The following TOLLIP variants were observed in gnomAD, a reference collection of about 807,000 sequenced individuals.
TOLLIP encodes the protein toll-interacting protein.
In TOLLIP, 16 loss-of-function variants were observed where a neutral mutation model predicts 33.5. The ratio of observed to expected loss-of-function variants is 0.48; its 90% CI spans 0.32 to 0.72. TOLLIP has a LOEUF of 0.72. Ranked by LOEUF, TOLLIP falls within the 30% of genes least tolerant of loss-of-function variation. TOLLIP has a pLI of 0.03. For missense variants in TOLLIP, 325 were observed against 396.6 expected (o/e 0.82, Z 1.53); for synonymous variants, 176 against 163.7 (o/e 1.07, Z -0.57).
Position 1,290,096 on chromosome 11 carries a change from C to G in TOLLIP, c.366+131G>C. On this transcript the variant is annotated intron_variant, in intron 3 of 5. Transcript: ENST00000317204. This position sits in a 1 kb window ranked among gnomAD's most constrained non-coding sequence, Gnocchi z 4.9. ...GGGAGAGCAGGACCCTGTCATGCAC[C>G]CAATGAAACACCAGGTGGGGAGCCA... 1.2e-6 allele frequency: 1 copy of G among 818,576 alleles called. No homozygotes were observed. Among genetic ancestry groups the G allele is most frequent in the Non-Finnish European group, 2.0e-6 (1 of 511,456 alleles). The allele number at this position is 818,576 out of a possible 1,614,324, so 50.7% of individuals were successfully genotyped here.
At position 1,274,473 on chromosome 11, in the gene TOLLIP, C is replaced by G. The variant is rs1863217529; in HGVS notation, c.*2566G>C. 6.6e-6 allele frequency: 1 copy of G among 152,130 alleles called. No homozygotes were observed. Among genetic ancestry groups the G allele is most frequent in the African/African-American group, 2.4e-5 (1 of 41,422 alleles). 9.4% of individuals were successfully genotyped at this position (152,130 alleles called of 1,614,324 possible). ...ATATATTTTACAATCAAAGAAAAAT[C>G]TGGACAATGGACCCCAGTAAAATAA... On this transcript the variant is annotated 3_prime_UTR_variant, in exon 6 of 6. Coordinates refer to ENST00000317204, the MANE Select transcript of TOLLIP (RefSeq NM_019009.4).
At chr11:1,297,986 G>A (rs1486279655) in intron 1 of TOLLIP, among the ~76,000 whole-genome samples, 4 of 152,208 alleles carry the variant, frequency 2.6e-5, no homozygotes, top group Admixed American at 2.0e-4. Context: ...CTCTCTCCCC[G>A]GGGGACACCT....
chr11:1,308,869 C>A (rs796978247), intron 1 of TOLLIP, among the ~76,000 whole-genome samples: 3 of 8,262 alleles, frequency 3.6e-4, no homozygotes, highest in Non-Finnish European at 1.1e-3. Flanking sequence ...GGGTGCGGGA[C>A]CCGCCTCCAC....
At chr11:1,305,450 A>G (rs565643461) in intron 1 of TOLLIP, among the ~76,000 whole-genome samples, 104 of 152,322 alleles carry the variant, frequency 6.8e-4, no homozygotes, top group Admixed American at 2.2e-3. Flanking sequence ...ATCTACAAAG[A>G]AAAGCAACTC....
At position 1,275,741 on chromosome 11, in the gene TOLLIP, T is replaced by A. The variant is rs1393187881; in HGVS notation, c.*1298A>T. 6.6e-6 allele frequency: 1 copy of A among 152,170 alleles called. No individual in the cohort carries two copies. The highest frequency in any genetic ancestry group is 1.9e-4 in the East Asian group (1 of 5,190). 9.4% of individuals were successfully genotyped at this position (152,170 alleles called of 1,614,324 possible). A position where few individuals can be genotyped will look rare whatever the true frequency, so the allele number is the denominator to read the frequency against. On this transcript the variant is annotated 3_prime_UTR_variant, in exon 6 of 6. Coordinates refer to ENST00000317204, the MANE Select transcript of TOLLIP (RefSeq NM_019009.4). ...CTAGCTGGCACTGAAACTTAACCTA[T>A]TTTTTTGAGGGAGAAAAAGACTAAA...
At chr11:1,282,114 G>A (rs753786267) in intron 5 of TOLLIP, among the ~76,000 whole-genome samples, 6 of 152,198 alleles carry the variant, frequency 3.9e-5, no homozygotes, top group Non-Finnish European at 7.4e-5. Flanking sequence ...TTCTCCTAAT[G>A]GGAACCAGGG....
chr11:1,290,383 C>T lies in TOLLIP; in HGVS notation c.210G>A (p.Met70Ile), dbSNP rs763493280. 2 of 1,612,274 alleles carry T rather than the reference C, an allele frequency of 1.2e-6. No homozygotes were observed. The highest frequency in any genetic ancestry group is 3.3e-5 in the Admixed American group (2 of 59,998). Reference protein sequence around the residue: ...VQAKLAKNYGMTRMDPYCRLR... With the variant: ...VQAKLAKNYGITRMDPYCRLR... Reference sequence around the variant, plus strand: ...GTCGGCAGTAGGGGTCCATGCGGGTCATGCCGTAATTCTTGGCCAACTTTG... The same window carrying T: ...GTCGGCAGTAGGGGTCCATGCGGGTTATGCCGTAATTCTTGGCCAACTTTG... The change falls in exon 3 of 6, where the codon ATG (methionine) becomes ATA (isoleucine). Residue 70 changes from methionine (M) to isoleucine (I), a missense_variant. Transcript: ENST00000317204. This position sits in a 1 kb window ranked among gnomAD's most constrained non-coding sequence, Gnocchi z 4.9.
chr11:1,288,555 G>A, intron 4 of TOLLIP, 69 bp downstream of exon 4: 1 of 1,511,770 alleles, frequency 6.6e-7, no homozygotes, highest in Non-Finnish European at 8.9e-7. Flanking sequence ...GGTGTCTGTG[G>A]GGCGGCATAG....
At chr11:1,292,583 C>G (rs1395234194) in intron 2 of TOLLIP, among the ~76,000 whole-genome samples, 1 of 152,244 alleles carries the variant, frequency 6.6e-6, no homozygotes, top group Admixed American at 6.5e-5. Context: ...AAGTGACCTC[C>G]TCGATGTTTA....
chr11:1,307,197 A>C (rs1395209894), intron 1 of TOLLIP, among the ~76,000 whole-genome samples: 2 of 151,602 alleles, frequency 1.3e-5, no homozygotes, highest in South Asian at 2.1e-4. Flanking sequence ...GTCGCTGACA[A>C]CACCTTCTTA....
intron 4 of TOLLIP, among the ~76,000 whole-genome samples, chr11:1,287,236 T>C (rs1051130049): frequency 2.0e-5 from 3 of 152,238 alleles, no homozygotes; most frequent in African/African-American, 4.8e-5. Context: ...TGGAGCGTCA[T>C]GATGGTTCTG....
rs5744005 is a variant in TOLLIP, at chr11:1,279,463, G to A, written c.611-2210C>T. On this transcript the variant is annotated intron_variant, in intron 5 of 5. Coordinates refer to ENST00000317204, the MANE Select transcript of TOLLIP (RefSeq NM_019009.4). ...CTGGGGACTTCAGGAGGACAGACCA[G>A]GAGCTCTGGGGCCTGGCGGAGAGCA... 7.5e-3 allele frequency among the ~76,000 whole-genome samples: 1,146 copies of A among 152,372 alleles called. 4 individuals are homozygous for A. The highest frequency in any genetic ancestry group is 0.013 in the Non-Finnish European group (899 of 68,028).
rs5744026 is a variant in TOLLIP, at chr11:1,276,089, G to C, written c.*950C>G. 1 of 152,272 alleles carries C rather than the reference G, an allele frequency of 6.6e-6. No individual in the cohort carries two copies. Among genetic ancestry groups the C allele is most frequent in the Non-Finnish European group, 1.5e-5 (1 of 68,084 alleles). The allele number at this position is 152,272 out of a possible 1,614,324, so 9.4% of individuals were successfully genotyped here. ...AGAAAGCTTTTACAGGGCCACGCTC[G>C]CCAGGCTTTCCTCGCCCACGCTGAA... On this transcript the variant is annotated 3_prime_UTR_variant, in exon 6 of 6. Transcript: ENST00000317204.
intron 5 of TOLLIP, among the ~76,000 whole-genome samples, chr11:1,280,024 G>C (rs916388742): frequency 1.3e-5 from 2 of 152,222 alleles, no homozygotes; most frequent in African/African-American, 4.8e-5. Context: ...TTATCACAAA[G>C]AAGAAAACCT....
chr11:1,283,215 C>T (rs574311497), intron 5 of TOLLIP: 3 of 204,468 alleles, frequency 1.5e-5, no homozygotes, highest in Middle Eastern at 2.1e-3. Flanking sequence ...CCAGCAGCCC[C>T]GGGGAAACTC....
chr11:1,287,989 A>C (rs1863800977), intron 4 of TOLLIP, among the ~76,000 whole-genome samples: 1 of 151,918 alleles, frequency 6.6e-6, no homozygotes, highest in Non-Finnish European at 1.5e-5. Context: ...CCTCTGGTTG[A>C]TGATACAGAC....
chr11:1,290,496 C>T lies in TOLLIP; in HGVS notation c.184-87G>A. 7.8e-7 allele frequency: 1 copy of T among 1,285,596 alleles called. No homozygotes were observed. Among genetic ancestry groups the T allele is most frequent in the Non-Finnish European group, 1.1e-6 (1 of 913,008 alleles). 79.6% of individuals were successfully genotyped at this position (1,285,596 alleles called of 1,614,324 possible). A position where few individuals can be genotyped will look rare whatever the true frequency, so the allele number is the denominator to read the frequency against. On this transcript the variant is annotated intron_variant, in intron 2 of 5. Transcript: ENST00000317204. The surrounding 1 kb of genome is among the most constrained non-coding windows in gnomAD (Gnocchi z 4.9). ...AGGCCGTCTGCCTCCCTGAACCCTT[C>T]CACGAGGCCTTTTCCTAACACATAG...
rs895622024 is a variant in TOLLIP at position 1,277,676 on chromosome 11, G to A, written c.611-423C>T. 5.9e-5 allele frequency among the ~76,000 whole-genome samples: 9 copies of A among 152,316 alleles called. No individual in the cohort carries two copies. The South Asian group carries it at 1.5e-3, about 25-fold the overall frequency. The stretch of plus-strand genomic sequence containing the variant: ...TCTGCATCTGGGGACGGACTACACG[G>A]AATGTCACGCCCGCTGATCCAAACA... On this transcript the variant is annotated intron_variant, in intron 5 of 5. Coordinates refer to ENST00000317204, the MANE Select transcript of TOLLIP (RefSeq NM_019009.4). The surrounding 1 kb of genome is among the most constrained non-coding windows in gnomAD (Gnocchi z 4.2).
In TOLLIP at chr11:1,276,690, C is replaced by T. The variant is rs756843676; in HGVS notation, c.*349G>A. 1.7e-5 allele frequency: 23 copies of T among 1,391,896 alleles called. No individual in the cohort carries two copies. Among genetic ancestry groups the T allele is most frequent in the African/African-American group, 4.3e-5 (3 of 69,644 alleles). The allele number at this position is 1,391,896 out of a possible 1,614,324, so 86.2% of individuals were successfully genotyped here. A position where few individuals can be genotyped will look rare whatever the true frequency, so the allele number is the denominator to read the frequency against. Reference sequence around the variant, plus strand: ...CATCACAAAATGCCATGAATGGAATCGGAAGGCGCTCCACCACCTCCAACA... The same window carrying T: ...CATCACAAAATGCCATGAATGGAATTGGAAGGCGCTCCACCACCTCCAACA... On this transcript the variant is annotated 3_prime_UTR_variant, in exon 6 of 6. Transcript: ENST00000317204.
Sources: allele counts gnomAD v4.1 joint callset (sites outside exome capture counted in the v4.1 genomes callset), GRCh38; gene constraint gnomAD v4.1.1; non-coding constraint Gnocchi (gnomAD v3.1); transcripts MANE v1.5; gene names NCBI Gene and HGNC (gene_info 2026-07-23, HGNC 2026-07-21).